Variants in MYOM1 observed in about 807,000 individuals in gnomAD.
MYOM1 encodes myomesin-1.
Under a neutral mutation model 205.3 loss-of-function variants are expected in MYOM1, and 164 were observed. The ratio of observed to expected loss-of-function variants is 0.80; its 90% CI spans 0.70 to 0.91. The LOEUF is 0.91. Among genes scored for constraint, MYOM1 ranks in the 40% least tolerant of loss-of-function variants. MYOM1 has a pLI of 0.00. For missense variants in MYOM1, 2,011 were observed against 2,127.3 expected (o/e 0.95, Z 1.08); for synonymous variants, 772 against 789.4 (o/e 0.98, Z 0.37).
intron 33 of MYOM1, among the ~76,000 whole-genome samples, chr18:3,083,427 C>CTTT (rs35959808): frequency 0.03 from 2,940 of 98,432 alleles, 261 homozygotes; most frequent in African/African-American, 0.11. Flanking sequence ...TTTTCTTTTT[C>CTTT]TTTTTTTTTT....
intron 31 of MYOM1, among the ~76,000 whole-genome samples, chr18:3,084,638 T>G (rs1426917147): frequency 6.6e-6 from 1 of 152,220 alleles, no homozygotes; most frequent in Non-Finnish European, 1.5e-5. Flanking sequence ...AAAAATGGAA[T>G]TTGCTTTCTT....
chr18:3,175,087 C>T (rs1361669901), intron 6 of MYOM1, among the ~76,000 whole-genome samples: 1 of 152,032 alleles, frequency 6.6e-6, no homozygotes, highest in African/African-American at 2.4e-5. Context: ...CAATAGAACC[C>T]CAGCAAGGCA....
rs1343421327 is a variant in MYOM1, at chr18:3,073,684, G to A, written c.4708+1770C>T. ...TCTGAATAATGCCTTTTAACCAATC[G>A]AATGTTGCCTTTTCCGATGCTACCT... On this transcript the variant is annotated intron_variant, in intron 36 of 37. Transcript: ENST00000356443. Among the ~76,000 whole-genome samples the A allele has an allele frequency of 2.0e-5, 3 of 152,248 alleles. 1 individual carries two copies. In the South Asian group the frequency reaches 6.2e-4, roughly 32 times the overall value.
At chr18:3,151,469 AAAAT>A (rs1288376959) in intron 12 of MYOM1, among the ~76,000 whole-genome samples, 3 of 128,914 alleles carry the variant, frequency 2.3e-5, no homozygotes, top group Admixed American at 8.6e-5. Flanking sequence ...AAAATAAAAT[AAAAT>A]AAATAAAATA....
intron 5 of MYOM1, among the ~76,000 whole-genome samples, chr18:3,186,915 A>C (rs1394203995): frequency 6.6e-6 from 1 of 151,742 alleles, no homozygotes; most frequent in Non-Finnish European, 1.5e-5. Flanking sequence ...GGAAAGAAAG[A>C]GGAAGATAAA....
chr18:3,112,427 T>C lies in MYOM1; in HGVS notation c.3304-15A>G, dbSNP rs915879988. ...AGGCCTCGAACCTGGTAGAAGCAGG[T>C]GTAGAAGCAATGGGTGTTTGATGAA... is the stretch of plus-strand genomic sequence containing the variant. On this transcript the variant is annotated splice_polypyrimidine_tract_variant and intron_variant, in intron 21 of 37. Transcript: ENST00000356443. 1 of 1,577,362 alleles carries C rather than the reference T, an allele frequency of 6.3e-7. No homozygotes were observed. The highest frequency in any genetic ancestry group is 1.2e-5 in the South Asian group (1 of 86,730).
intron 33 of MYOM1, among the ~76,000 whole-genome samples, chr18:3,083,582 C>T (rs1367088467): frequency 1.4e-5 from 2 of 143,246 alleles, no homozygotes; most frequent in African/African-American, 2.6e-5. Flanking sequence ...GTGTCTGCCA[C>T]TGCGCCCAGC....
In MYOM1 at chr18:3,141,835, T is replaced by TC. The variant is rs1420585413; in HGVS notation, c.2025+103dup. 3.6e-6 allele frequency: 5 copies of TC among 1,398,714 alleles called. No individual in the cohort carries two copies. The East Asian group carries it at 1.2e-4, about 32-fold the overall frequency. The allele number at this position is 1,398,714 out of a possible 1,614,324, so 86.6% of individuals were successfully genotyped here. ...ACAATCTAGTGAGATCAGGACATGCTCCCTCCTCCTCCCTCACTCCATTGT... is the reference window on the plus strand; with the variant it reads ...ACAATCTAGTGAGATCAGGACATGCTCCCCTCCTCCTCCCTCACTCCATTGT... On this transcript the variant is annotated intron_variant, in intron 14 of 37. Transcript: ENST00000356443.
rs1048701936 is a variant in MYOM1 at position 3,100,029 on chromosome 18, T to A, written c.3727+130A>T. 23 of 899,256 alleles carry A rather than the reference T, an allele frequency of 2.6e-5. 1 individual carries two copies. In the South Asian group the frequency reaches 3.0e-4, roughly 12 times the overall value. The allele number at this position is 899,256 out of a possible 1,614,324, so 55.7% of individuals were successfully genotyped here. A position where few individuals can be genotyped will look rare whatever the true frequency, so the allele number is the denominator to read the frequency against. On this transcript the variant is annotated intron_variant, in intron 25 of 37. Transcript: ENST00000356443. Reference sequence around the variant, plus strand: ...TTCTAGAAAGCACATCTGTAGCTACTGATGTGTGTTCCATTATATGTTCTC... The same window carrying A: ...TTCTAGAAAGCACATCTGTAGCTACAGATGTGTGTTCCATTATATGTTCTC...
chr18:3,135,688 G>C lies in MYOM1; in HGVS notation c.2068C>G (p.Leu690Val). The C allele has an allele frequency of 6.2e-7, 1 of 1,613,918 alleles. No homozygotes were observed. The highest frequency in any genetic ancestry group is 8.5e-7 in the Non-Finnish European group (1 of 1,179,882). Residue 690 changes from leucine to valine, a missense_variant, in exon 15 of 38, where the codon CTC (leucine) becomes GTC (valine). Coordinates refer to ENST00000356443, the MANE Select transcript of MYOM1 (RefSeq NM_003803.4). The surrounding 1 kb of genome is among the most constrained non-coding windows in gnomAD (Gnocchi z 4.1). ...TENWQRVNTE[L>V]PVKSPRFALF... is the part of the protein sequence containing the mutation. ...GCAAAGCGGGGAGACTTCACAGGGA[G>C]CTCCGTGTTCACTCGCTGCCAGTTT...
intron 13 of MYOM1, among the ~76,000 whole-genome samples, chr18:3,145,722 G>GA (rs2080113714): frequency 1.3e-5 from 2 of 151,286 alleles, no homozygotes; most frequent in African/African-American, 4.9e-5. Context: ...TAAGAAACAA[G>GA]AAAAAAACCC....
intron 2 of MYOM1, among the ~76,000 whole-genome samples, chr18:3,200,059 A>C (rs767144719): frequency 1.3e-5 from 2 of 152,172 alleles, no homozygotes; most frequent in Non-Finnish European, 2.9e-5. Flanking sequence ...ACCTGCAGCC[A>C]CACAGCAGTT....
chr18:3,116,221 A>G, intron 21 of MYOM1, 110 bp downstream of exon 21: 1 of 1,157,498 alleles, frequency 8.6e-7, no homozygotes, highest in African/African-American at 1.6e-5. Flanking sequence ...CAGGAGCCCA[A>G]TATATGAAAC....
chr18:3,151,993 C>T, intron 11 of MYOM1, 100 bp from the exon 12 acceptor site: 1 of 1,263,706 alleles, frequency 7.9e-7, no homozygotes, highest in Non-Finnish European at 1.1e-6. Context: ...GATCTTCTCC[C>T]TATAAAATAT....
intron 22 of MYOM1, among the ~76,000 whole-genome samples, chr18:3,110,417 C>T (rs1312895126): frequency 6.6e-6 from 1 of 152,216 alleles, no homozygotes; most frequent in African/African-American, 2.4e-5. Context: ...TTCCCCAGCT[C>T]ACCCATCATA....
the MYOM1 span, among the ~76,000 whole-genome samples, chr18:3,229,976 C>CAAAAAAAAAAAAAAAAAAAAAAA: frequency 1.3e-5 from 1 of 79,064 alleles, no homozygotes; most frequent in African/African-American, 5.2e-5. Context: ...AACTCCATCT[C>CAAAAAAAAAAAAAAAAAAAAAAA]AAAAAAAAAA....
intron 2 of MYOM1, among the ~76,000 whole-genome samples, chr18:3,203,228 A>C (rs950536765): frequency 7.3e-5 from 11 of 150,842 alleles, no homozygotes; most frequent in African/African-American, 2.2e-4. Context: ...TTCCATCATA[A>C]GTAGCTAGAA....
the MYOM1 span, among the ~76,000 whole-genome samples, chr18:3,225,081 G>A: frequency 2.6e-5 from 4 of 151,958 alleles, no homozygotes; most frequent in Non-Finnish European, 5.9e-5. Flanking sequence ...TCCACCTCCC[G>A]GGTTCACACC....
In MYOM1 at chr18:3,174,184, C is replaced by T; in HGVS notation, c.1047G>A (p.Gln349=). 1 of 1,613,956 alleles carries T rather than the reference C, an allele frequency of 6.2e-7. No homozygotes were observed. The highest frequency in any genetic ancestry group is 8.5e-7 in the Non-Finnish European group (1 of 1,179,852). ...INGCDFEDTA[Q]YRASAMNVKG... is the part of the protein sequence containing the mutation. ...TAACATTCATCGCCGAGGCCCGGTACTGAGCTGTATCTTCAAAATCACATC... is the reference window on the plus strand; with the variant it reads ...TAACATTCATCGCCGAGGCCCGGTATTGAGCTGTATCTTCAAAATCACATC... Residue 349 remains glutamine (Q), a synonymous_variant, in exon 7 of 38, where the codon CAG becomes CAA. Transcript: ENST00000356443.
Sources: allele counts gnomAD v4.1 joint callset (sites outside exome capture counted in the v4.1 genomes callset), GRCh38; gene constraint gnomAD v4.1.1; non-coding constraint Gnocchi (gnomAD v3.1); transcripts MANE v1.5; gene names NCBI Gene and HGNC (gene_info 2026-07-23, HGNC 2026-07-21).